MESD: variants seen among roughly 807,000 people sequenced by gnomAD.
MESD encodes the protein mesoderm development LRP chaperone.
In MESD, 7 loss-of-function variants were observed where a neutral mutation model predicts 12.9. The observed-to-expected ratio is 0.54, with a 90% confidence interval of 0.31 to 1.02. The LOEUF is 1.02. Ranked by LOEUF, MESD falls within the 50% of genes least tolerant of loss-of-function variation. The pLI is 0.05. For missense variants in MESD, 342 were observed against 296.7 expected (o/e 1.15, Z -1.12); for synonymous variants, 126 against 115.6 (o/e 1.09, Z -0.58).
intron 3 of MESD, among the ~76,000 whole-genome samples, chr15:80,962,665 A>C (rs1407288456): frequency 1.3e-5 from 2 of 152,230 alleles, no homozygotes; most frequent in Non-Finnish European, 2.9e-5. Flanking sequence ...TCAAATTAGA[A>C]CTCAGGATTA....
intron 3 of MESD, among the ~76,000 whole-genome samples, chr15:80,960,369 A>C (rs1231895518): frequency 6.7e-6 from 1 of 150,288 alleles, no homozygotes; most frequent in African/African-American, 2.5e-5. Context: ...TGTGTTTAAA[A>C]AAAAAAAAAA....
In MESD at chr15:80,979,576, A is replaced by C; in HGVS notation, c.447-99T>G. ...CACTTATCAGTTTATTTCAAATTCT[A>C]CATGAATATGGAATGAAAAATTGGA... On this transcript the variant is annotated intron_variant, in intron 2 of 2. Coordinates refer to ENST00000261758, the MANE Select transcript of MESD (RefSeq NM_015154.3). 2.2e-6 allele frequency: 3 copies of C among 1,373,260 alleles called. No individual in the cohort carries two copies. The Admixed American group carries it at 7.3e-5, about 33-fold the overall frequency. The allele number at this position is 1,373,260 out of a possible 1,614,324, so 85.1% of individuals were successfully genotyped here. A position where few individuals can be genotyped will look rare whatever the true frequency, so the allele number is the denominator to read the frequency against.
At chr15:80,975,217 A>C (rs56668699), downstream of MESD, among the ~76,000 whole-genome samples, 4,275 of 149,018 alleles carry the variant, frequency 0.029, 205 homozygotes, top group African/African-American at 0.096. Flanking sequence ...CCAAAAAAAA[A>C]AAACAAAAAA....
intron 3 of MESD, among the ~76,000 whole-genome samples, chr15:80,964,566 T>C (rs1032154837): frequency 3.9e-5 from 6 of 152,196 alleles, no homozygotes; most frequent in African/African-American, 1.2e-4. Flanking sequence ...CTTCAAACTA[T>C]ACTACAAGGC....
downstream of MESD, among the ~76,000 whole-genome samples, chr15:80,974,490 A>G (rs1229127127): frequency 6.6e-6 from 1 of 152,180 alleles, no homozygotes; most frequent in East Asian, 1.9e-4. Context: ...AAGATTCTCC[A>G]TTTGGATTTT....
downstream of MESD, among the ~76,000 whole-genome samples, chr15:80,971,528 C>T (rs1902288449): frequency 6.6e-6 from 1 of 152,206 alleles, no homozygotes; most frequent in Non-Finnish European, 1.5e-5. Flanking sequence ...CCACTGATCC[C>T]CTCACTCTGC....
chr15:80,987,312 C>T (rs972384992), intron 1 of MESD, among the ~76,000 whole-genome samples: 2 of 152,156 alleles, frequency 1.3e-5, no homozygotes, highest in African/African-American at 2.4e-5. Flanking sequence ...GATGGATACG[C>T]TCTCCCACAT....
chr15:80,951,289 C>T (rs947939044), intron 4 of MESD: 28 of 152,650 alleles, frequency 1.8e-4, no homozygotes, highest in African/African-American at 6.3e-4. Flanking sequence ...CAGAGTTGTA[C>T]ATATGTTTCA....
intron 1 of MESD, 21 bp downstream of exon 1, chr15:80,989,558 G>C: frequency 6.2e-7 from 1 of 1,609,224 alleles, no homozygotes. Flanking sequence ...AGAGCCGGGA[G>C]GGTGTGCGCG....
intron 3 of MESD, among the ~76,000 whole-genome samples, chr15:80,959,062 C>T (rs560922985): frequency 3.3e-5 from 5 of 152,334 alleles, no homozygotes; most frequent in Non-Finnish European, 2.9e-5. Flanking sequence ...TCCAAGAGAA[C>T]CCCTCTTGGG....
chr15:80,973,757 T>A (rs1014961479), downstream of MESD, among the ~76,000 whole-genome samples: 33 of 143,874 alleles, frequency 2.3e-4, no homozygotes, highest in Non-Finnish European at 4.0e-4. Context: ...TTCATCATGG[T>A]TTTTGTTTTT....
rs765672227 is a variant in MESD, at chr15:80,979,243, A to G, written c.681T>C (p.Ala227=). Residue 227 remains alanine (A), a synonymous_variant, in exon 3 of 3, where the codon GCT becomes GCC. Coordinates refer to ENST00000261758, the MANE Select transcript of MESD (RefSeq NM_015154.3). The part of the protein sequence containing the change: ...KSRSSKEENR[A]GNKREDL ...ATCACAGGTCTTCTCTTTTATTCCCAGCTCGATTTTCTTCCTTGGAAGACC... is the reference window on the plus strand; with the variant it reads ...ATCACAGGTCTTCTCTTTTATTCCCGGCTCGATTTTCTTCCTTGGAAGACC... 5.0e-6 allele frequency: 8 copies of G among 1,613,542 alleles called. No individual in the cohort carries two copies. The South Asian group carries it at 7.7e-5, about 16-fold the overall frequency.
Position 80,977,203 on chromosome 15 carries a change from C to T in MESD, c.*2016G>A. ...GCCTTACTCTATTTCTCCTCTCCTC[C>T]TCTTGCCCTCAGAGAAGGCCTCTGG... On this transcript the variant is annotated 3_prime_UTR_variant, in exon 3 of 3. Transcript: ENST00000261758. 6.5e-6 allele frequency: 1 copy of T among 152,826 alleles called. No individual in the cohort carries two copies. The highest frequency in any genetic ancestry group is 1.5e-5 in the Non-Finnish European group (1 of 68,360). 9.5% of individuals were successfully genotyped at this position (152,826 alleles called of 1,614,324 possible). A position where few individuals can be genotyped will look rare whatever the true frequency, so the allele number is the denominator to read the frequency against.
At chr15:80,970,689 A>G (rs552670213) in intron 3 of MESD, 2 of 152,244 alleles carry the variant, frequency 1.3e-5, no homozygotes, top group Non-Finnish European at 2.9e-5. Flanking sequence ...GTCTGATGGT[A>G]GTTACGGCAG....
At chr15:80,969,266 G>C (rs1446830345) in intron 3 of MESD, among the ~76,000 whole-genome samples, 1 of 152,012 alleles carries the variant, frequency 6.6e-6, no homozygotes, top group Admixed American at 6.5e-5. Context: ...GTTAGGTAAG[G>C]ATGTCCAGAG....
rs773021525 is a variant in MESD at position 80,989,746 on chromosome 15, C to A, written c.46G>T (p.Ala16Ser). Residue 16 changes from alanine (A) to serine (S), a missense_variant, in exon 1 of 3, where the codon GCC (alanine) becomes TCC (serine). By Grantham distance (99) the Ala-to-Ser change is moderately conservative. Coordinates refer to ENST00000261758, the MANE Select transcript of MESD (RefSeq NM_015154.3). ...WARKAVVLLC[A>S]SDLLLLLLLL... ...AGCAGCAGCAGCAGCAGGTCAGAGG[C>A]ACAAAGCAGGACCACGGCCTTGCGC... 6.2e-6 allele frequency: 10 copies of A among 1,603,030 alleles called. No homozygotes were observed. The highest frequency in any genetic ancestry group is 5.5e-5 in the South Asian group (5 of 91,024).
At chr15:80,965,307 A>G (rs142129576) in intron 3 of MESD, among the ~76,000 whole-genome samples, 2,915 of 152,274 alleles carry the variant, frequency 0.019, 79 homozygotes, top group African/African-American at 0.066. Flanking sequence ...GAAACAACAG[A>G]TACTGGAGAG....
chr15:80,986,017 G>A (rs1567127390), intron 1 of MESD, among the ~76,000 whole-genome samples: 1 of 151,638 alleles, frequency 6.6e-6, no homozygotes, highest in East Asian at 1.9e-4. Context: ...TATAATACAG[G>A]TAAAAATTGT....
At chr15:80,986,807 C>T (rs1902746142) in intron 1 of MESD, among the ~76,000 whole-genome samples, 1 of 152,212 alleles carries the variant, frequency 6.6e-6, no homozygotes, top group Non-Finnish European at 1.5e-5. Flanking sequence ...AGCTACAAAG[C>T]TGAGCTCCCC....
Sources: allele counts gnomAD v4.1 joint callset (sites outside exome capture counted in the v4.1 genomes callset), GRCh38; gene constraint gnomAD v4.1.1; transcripts MANE v1.5; gene names NCBI Gene and HGNC (gene_info 2026-07-23, HGNC 2026-07-21).